Variants in ITGAX observed in about 807,000 individuals in gnomAD.
The protein encoded by ITGAX is integrin alpha-X.
In ITGAX, 99 loss-of-function variants were observed where a neutral mutation model predicts 140.2. That is an observed-to-expected ratio of 0.71 (90% CI 0.60 to 0.83). ITGAX has a LOEUF of 0.83. Among genes scored for constraint, ITGAX ranks in the 40% least tolerant of loss-of-function variants. ITGAX has a pLI of 0.00. For synonymous variants in ITGAX, 631 were observed against 600.4 expected (o/e 1.05, Z -0.75); for missense variants, 1,444 against 1,482.0 (o/e 0.97, Z 0.42).
rs201049524 is a variant in ITGAX, at chr16:31,372,482, C to T, written c.2265C>T (p.Ala755=). 70 of 1,607,674 alleles carry T rather than the reference C, an allele frequency of 4.4e-5. No individual in the cohort carries two copies. The Admixed American group carries it at 8.9e-4, about 21-fold the overall frequency. ...AFRNLRPMLA[A]DAQRYFTASL... The stretch of plus-strand genomic sequence containing the variant: ...GAAACCTGCGGCCTATGCTGGCCGC[C>T]GATGCTCAGAGATACTTCACGGCCT... The change falls in exon 18 of 30, where the codon GCC becomes GCT. Residue 755 remains alanine, a synonymous_variant. Coordinates refer to ENST00000268296, the MANE Select transcript of ITGAX (RefSeq NM_000887.5).
chr16:31,357,051 A>C lies in ITGAX; in HGVS notation c.268A>C (p.Met90Leu), dbSNP rs148375692. The part of the protein sequence containing the change: ...GLQVPPEAVN[M>L]SLGLSLASTT... ...CACAGTGCCCCCGGAGGCCGTGAAC[A>C]TGTCCCTGGGCCTGTCCCTGGCGTC... Residue 90 changes from methionine to leucine, a missense_variant, in exon 4 of 30, where the codon ATG becomes CTG. Physicochemically the swap from Met to Leu is conservative, Grantham distance 15. Transcript: ENST00000268296. 5.0e-6 allele frequency: 8 copies of C among 1,609,980 alleles called. 1 individual carries two copies. Among genetic ancestry groups the C allele is most frequent in the Non-Finnish European group, 5.9e-6 (7 of 1,179,486 alleles).
chr16:31,357,776 T>C, intron 5 of ITGAX: 1 of 412,806 alleles, frequency 2.4e-6, no homozygotes, highest in Non-Finnish European at 4.2e-6. Flanking sequence ...GTTTGTGCCG[T>C]AGTTTAGGAA....
chr16:31,371,348 T>A lies in ITGAX; in HGVS notation c.1856T>A (p.Leu619His). 1 of 1,614,144 alleles carries A rather than the reference T, an allele frequency of 6.2e-7. No individual in the cohort carries two copies. Among genetic ancestry groups the A allele is most frequent in the Non-Finnish European group, 8.5e-7 (1 of 1,180,014 alleles). ...TCTGCCCGCAGGACCAGACCTGTGC[T>A]CTGGGTGGGGGTGAGCATGCAGTTC... ...QVLLLRTRPV[L>H]WVGVSMQFIP... The change falls in exon 16 of 30, where the codon CTC becomes CAC. Residue 619 changes from leucine (L) to histidine (H), a missense_variant. Coordinates refer to ENST00000268296, the MANE Select transcript of ITGAX (RefSeq NM_000887.5).
chr16:31,377,028 C>A lies in ITGAX; in HGVS notation c.2654C>A (p.Ser885Tyr), dbSNP rs1567307143. The A allele has an allele frequency of 6.2e-7, 1 of 1,614,180 alleles. No individual in the cohort carries two copies. The change falls in exon 22 of 30, where the codon TCC becomes TAC. Residue 885 changes from serine (S) to tyrosine (Y), a missense_variant. Physicochemically the swap from Ser to Tyr is moderately radical, Grantham distance 144. Transcript: ENST00000268296. ...QITFLATFDV[S>Y]PKAVLGDRLL... Reference sequence around the variant, plus strand: ...ACCTTCTTGGCTACCTTTGACGTCTCCCCCAAGGCTGTCCTGGGAGACCGG... The same window carrying A: ...ACCTTCTTGGCTACCTTTGACGTCTACCCCAAGGCTGTCCTGGGAGACCGG...
At chr16:31,356,891 T>TC (rs1326933456) in intron 3 of ITGAX, 140 bp from the exon 4 acceptor site, 4 of 844,824 alleles carry the variant, frequency 4.7e-6, no homozygotes, top group Non-Finnish European at 7.3e-6. Context: ...CCCATCGCAC[T>TC]CCCGCAGCTC....
intron 8 of ITGAX, 65 bp from the exon 9 acceptor site, chr16:31,360,998 G>A: frequency 6.8e-7 from 1 of 1,479,608 alleles, no homozygotes; most frequent in Non-Finnish European, 9.4e-7. Context: ...GGAAGATGTT[G>A]CACCCAGTGC....
Position 31,371,115 on chromosome 16 carries a change from T to A in ITGAX, c.1742T>A (p.Leu581Gln), listed in dbSNP as rs1288004695. ...RIAGSQLSSR[L>Q]QYFGQALSGG... is the part of the protein sequence containing the mutation. ...GCGGGCTCCCAGCTCTCCTCCAGGC[T>A]GCAGTATTTTGGGCAGGCACTGAGC... Residue 581 changes from leucine to glutamine, a missense_variant, in exon 15 of 30, where the codon CTG (leucine) becomes CAG (glutamine). By Grantham distance (113) the Leu-to-Gln change is moderately radical (BLOSUM62 -2). Coordinates refer to ENST00000268296, the MANE Select transcript of ITGAX (RefSeq NM_000887.5). 2.5e-6 allele frequency: 4 copies of A among 1,614,150 alleles called. No homozygotes were observed. Among genetic ancestry groups the A allele is most frequent in the Non-Finnish European group, 3.4e-6 (4 of 1,180,034 alleles).
At chr16:31,372,915 A>AAACAAC (rs58659724) in intron 19 of ITGAX, among the ~76,000 whole-genome samples, 15,428 of 149,588 alleles carry the variant, frequency 0.1, 818 homozygotes, top group Non-Finnish European at 0.13. Flanking sequence ...CACAAAAACA[A>AAACAAC]AACAACAACA....
At chr16:31,358,662 G>A (rs764421866) in intron 5 of ITGAX, among the ~76,000 whole-genome samples, 1 of 151,822 alleles carries the variant, frequency 6.6e-6, no homozygotes, top group Non-Finnish European at 1.5e-5. Flanking sequence ...GACAAACACT[G>A]GCTAGGGACT....
Position 31,382,244 on chromosome 16 carries a change from CTTTTCTTTTTTTTTTTTTT to C in ITGAX, c.*338_*356del. The stretch of plus-strand genomic sequence containing the variant: ...CTTTCCTTTCTTTTTTTTTTTTTTT[CTTTTCTTTTTTTTTTTTTT>C]GAGACGGAGTCTCGCTCTGTCACCC... On this transcript the variant is annotated 3_prime_UTR_variant, in exon 30 of 30. Coordinates refer to ENST00000268296, the MANE Select transcript of ITGAX (RefSeq NM_000887.5). 2.4e-6 allele frequency: 2 copies of C among 817,830 alleles called. No individual in the cohort carries two copies. Among genetic ancestry groups the C allele is most frequent in the Non-Finnish European group, 1.5e-6 (1 of 670,606 alleles). The allele number at this position is 817,830 out of a possible 1,614,324, so 50.7% of individuals were successfully genotyped here.
chr16:31,367,793 A>C (rs2080906713), intron 14 of ITGAX, among the ~76,000 whole-genome samples: 1 of 152,246 alleles, frequency 6.6e-6, no homozygotes, highest in Non-Finnish European at 1.5e-5. Context: ...TTCAAGTCTC[A>C]TTATTTCAGA....
In ITGAX at chr16:31,382,411, C is replaced by T. The variant is rs893226669; in HGVS notation, c.*504C>T. ...CAGGCACACGCCACCTCGCCCGGCC[C>T]GATCTTTCTAAAATACAGTTCTGAA... On this transcript the variant is annotated 3_prime_UTR_variant, in exon 30 of 30. Transcript: ENST00000268296. 44 of 1,533,532 alleles carry T rather than the reference C, an allele frequency of 2.9e-5. No individual in the cohort carries two copies. Among genetic ancestry groups the T allele is most frequent in the East Asian group, 4.9e-5 (2 of 40,892 alleles). The allele number at this position is 1,533,532 out of a possible 1,614,324, so 95.0% of individuals were successfully genotyped here.
chr16:31,361,752 T>A, intron 9 of ITGAX, 84 bp from the exon 10 acceptor site: 1 of 1,397,138 alleles, frequency 7.2e-7, no homozygotes, highest in South Asian at 1.2e-5. Context: ...CCTCCAGTCT[T>A]AGCTTCTCCT....
chr16:31,378,167 G>T (rs1478536429), intron 23 of ITGAX, among the ~76,000 whole-genome samples: 1 of 152,178 alleles, frequency 6.6e-6, no homozygotes, highest in Non-Finnish European at 1.5e-5. Flanking sequence ...CAAGCCCCAG[G>T]CCCGGAAAAG....
Position 31,381,796 on chromosome 16 carries a change from C to T in ITGAX, c.3388-7C>T. 1 of 872,384 alleles carries T rather than the reference C, an allele frequency of 1.1e-6. No individual in the cohort carries two copies. Among genetic ancestry groups the T allele is most frequent in the Non-Finnish European group, 2.0e-6 (1 of 501,384 alleles). 54.0% of individuals were successfully genotyped at this position (872,384 alleles called of 1,614,324 possible). A position where few individuals can be genotyped will look rare whatever the true frequency, so the allele number is the denominator to read the frequency against. ...TTCCTGAGTTTCTTCTTCGTCCTCC[C>T]CCCTAGGTTGGCTTCTTCAAGCGTC... On this transcript the variant is annotated splice_polypyrimidine_tract_variant and splice_region_variant and intron_variant, in intron 29 of 29. Coordinates refer to ENST00000268296, the MANE Select transcript of ITGAX (RefSeq NM_000887.5).
rs181885988 is a variant in ITGAX, at chr16:31,355,215, C to T, written c.-40C>T. 1.2e-4 allele frequency: 197 copies of T among 1,612,282 alleles called. No homozygotes were observed. In the Middle Eastern group the frequency reaches 1.5e-3, roughly 12 times the overall value. On this transcript the variant is annotated 5_prime_UTR_variant, in exon 1 of 30. The change creates a new upstream start codon in the 5' untranslated region. Transcript: ENST00000268296. ...TACCTTGGTCCAGCTCTTCCTGCAA[C>T]GGCCCAGGAGCTCAGAGCTCCACAT... is the stretch of plus-strand genomic sequence containing the variant.
At chr16:31,369,990 C>T (rs1300688880) in intron 14 of ITGAX, 1 of 152,134 alleles carries the variant, frequency 6.6e-6, no homozygotes, top group African/African-American at 2.4e-5. Flanking sequence ...GAGTCTCGCT[C>T]TGTCACCCAG....
chr16:31,362,835 G>A (rs2080847573), intron 12 of ITGAX, 82 bp downstream of exon 12: 1 of 1,605,936 alleles, frequency 6.2e-7, no homozygotes, highest in Non-Finnish European at 8.5e-7. Flanking sequence ...GGGCTTTGAG[G>A]GCCTTGGGGG....
intron 14 of ITGAX, 97 bp downstream of exon 14, chr16:31,363,471 C>T: frequency 7.3e-7 from 1 of 1,373,972 alleles, no homozygotes; most frequent in Non-Finnish European, 1.0e-6. Flanking sequence ...CTTTTCCTAC[C>T]TCCCTTGCCC....
Sources: allele counts gnomAD v4.1 joint callset (sites outside exome capture counted in the v4.1 genomes callset), GRCh38; gene constraint gnomAD v4.1.1; transcripts MANE v1.5; gene names NCBI Gene and HGNC (gene_info 2026-07-23, HGNC 2026-07-21).